Variants in SPRED3 observed in about 807,000 individuals in gnomAD.
SPRED3 encodes the protein sprouty-related, EVH1 domain-containing protein 3.
Under a neutral mutation model 37.6 loss-of-function variants are expected in SPRED3, and 23 were observed. That is an observed-to-expected ratio of 0.61 (90% CI 0.44 to 0.87). The LOEUF (loss-of-function observed/expected upper bound fraction) is 0.87, where lower values mean the gene tolerates loss of function less well. Among genes scored for constraint, SPRED3 ranks in the 40% least tolerant of loss-of-function variants. The pLI is 0.00. For synonymous variants in SPRED3, 302 were observed against 279.6 expected, an observed-to-expected ratio of 1.08 and a Z score of -0.80; for missense variants, 584 against 618.6, an observed-to-expected ratio of 0.94 and a Z score of 0.59.
rs1970897900 is a variant in SPRED3, at chr19:38,396,350, TA to T, written c.*207del. The T allele has an allele frequency of 2.8e-6, 1 of 361,764 alleles. No individual in the cohort carries two copies. The highest frequency in any genetic ancestry group is 2.1e-5 in the African/African-American group (1 of 46,892). The allele number at this position is 361,764 out of a possible 1,614,324, so 22.4% of individuals were successfully genotyped here. ...CCCCAGCTTCATTGGGGTGTCTGTC[TA>T]AGAAGTCCCAGGCGTCCTGAGTTCT... On this transcript the variant is annotated 3_prime_UTR_variant, in exon 6 of 6. Coordinates refer to ENST00000691638, the MANE Select transcript of SPRED3 (RefSeq NM_001394336.1).
intron 5 of SPRED3, 53 bp downstream of exon 5, chr19:38,394,839 C>T (rs1970876150): frequency 8.1e-6 from 12 of 1,477,980 alleles, no homozygotes; most frequent in Non-Finnish European, 9.8e-6. Flanking sequence ...GCACTCGGGG[C>T]CCGAAGGGAG....
At position 38,395,411 on chromosome 19, in the gene SPRED3, G is replaced by T. The variant is rs73044919; in HGVS notation, c.568-69G>T. On this transcript the variant is annotated intron_variant, in intron 5 of 5. Coordinates refer to ENST00000691638, the MANE Select transcript of SPRED3 (RefSeq NM_001394336.1). This position sits in a 1 kb window ranked among gnomAD's most constrained non-coding sequence, Gnocchi z 5.2. ...ATCTGAATCCCAGACCCAAGAGTGC[G>T]CTAGGGAACTGGATCCTTGAGGCTA... 3.4e-5 allele frequency: 46 copies of T among 1,334,460 alleles called. No homozygotes were observed. The highest frequency in any genetic ancestry group is 4.4e-5 in the Non-Finnish European group (45 of 1,024,750). The allele number at this position is 1,334,460 out of a possible 1,614,324, so 82.7% of individuals were successfully genotyped here. A position where few individuals can be genotyped will look rare whatever the true frequency, so the allele number is the denominator to read the frequency against.
rs1412536220 is a variant in SPRED3 at position 38,398,966 on chromosome 19, C to G, written c.*2821C>G. 2.0e-5 allele frequency: 3 copies of G among 152,312 alleles called. No homozygotes were observed. The highest frequency in any genetic ancestry group is 2.0e-4 in the Admixed American group (3 of 15,288). The allele number at this position is 152,312 out of a possible 1,614,324, so 9.4% of individuals were successfully genotyped here. On this transcript the variant is annotated 3_prime_UTR_variant, in exon 6 of 6. Coordinates refer to ENST00000691638, the MANE Select transcript of SPRED3 (RefSeq NM_001394336.1). ...TCTCCCCTCCCCACTCTGCCCAGCT[C>G]TCATCACTGTCAGACCCACCAGAGC...
In SPRED3 at chr19:38,396,043, G is replaced by A. The variant is rs1600519074; in HGVS notation, c.1131G>A (p.Val377=). ...CGCTGGCCGCGCTCTCCCTGGCAGT[G>A]CCCTGCCTCTGCTGCTACGCGCCCC... ...WAALAALSLA[V]PCLCCYAPLR... Residue 377 remains valine (V), a synonymous_variant, in exon 6 of 6, where the codon GTG becomes GTA. Transcript: ENST00000691638. The A allele has an allele frequency of 1.5e-6, 2 of 1,366,644 alleles. No homozygotes were observed. The highest frequency in any genetic ancestry group is 1.5e-5 in the African/African-American group (1 of 65,420). The allele number at this position is 1,366,644 out of a possible 1,614,324, so 84.7% of individuals were successfully genotyped here. A position where few individuals can be genotyped will look rare whatever the true frequency, so the allele number is the denominator to read the frequency against.
Position 38,394,625 on chromosome 19 carries a change from G to C in SPRED3, c.424-18G>C, listed in dbSNP as rs776438715. 3.2e-6 allele frequency: 5 copies of C among 1,582,416 alleles called. No individual in the cohort carries two copies. The South Asian group carries it at 5.7e-5, about 18-fold the overall frequency. ...TGCGGGGGCGTGTCCCCGCGCTGAGGCCGCCAATCTCCTCCAGTCCCACGT... is the reference window on the plus strand; with the variant it reads ...TGCGGGGGCGTGTCCCCGCGCTGAGCCCGCCAATCTCCTCCAGTCCCACGT... On this transcript the variant is annotated intron_variant, in intron 4 of 5. Coordinates refer to ENST00000691638, the MANE Select transcript of SPRED3 (RefSeq NM_001394336.1).
intron 2 of SPRED3, 80 bp from the exon 3 acceptor site, chr19:38,391,866 C>T: frequency 2.0e-6 from 3 of 1,524,246 alleles, no homozygotes; most frequent in Non-Finnish European, 1.8e-6. Flanking sequence ...CTAGGGTATG[C>T]ATGGGGGCTG....
chr19:38,390,483 A>G lies in SPRED3; in HGVS notation c.177+4A>G. 7.6e-7 allele frequency: 1 copy of G among 1,317,808 alleles called. No homozygotes were observed. 81.6% of individuals were successfully genotyped at this position (1,317,808 alleles called of 1,614,324 possible). On this transcript the variant is annotated splice_donor_region_variant and intron_variant, in intron 2 of 5. Transcript: ENST00000691638. ...GGAACGCCTCCGGGACCAGAAAGTG[A>G]GCCACCCTGGGGCATGCGGGGAGGG...
chr19:38,392,324 T>G (rs1469670924), intron 4 of SPRED3, 36 bp downstream of exon 4: 28 of 1,472,074 alleles, frequency 1.9e-5, no homozygotes, highest in Non-Finnish European at 2.4e-5. Flanking sequence ...TGGGGGAGGG[T>G]AGGGGTTTTG....
Position 38,398,906 on chromosome 19 carries a change from G to C in SPRED3, c.*2761G>C, listed in dbSNP as rs1201911429. On this transcript the variant is annotated 3_prime_UTR_variant, in exon 6 of 6. Coordinates refer to ENST00000691638, the MANE Select transcript of SPRED3 (RefSeq NM_001394336.1). ...CTGTGAGATTCAGCACTCCCAACCA[G>C]ACCCTGGGATGGGTGAGAGAAAAGC... 1.3e-5 allele frequency: 2 copies of C among 152,258 alleles called. No homozygotes were observed. Among genetic ancestry groups the C allele is most frequent in the South Asian group, 4.1e-4 (2 of 4,832 alleles). 9.4% of individuals were successfully genotyped at this position (152,258 alleles called of 1,614,324 possible).
intron 2 of SPRED3, 49 bp from the exon 3 acceptor site, chr19:38,391,897 G>GGCATGTCT: frequency 1.2e-6 from 2 of 1,603,024 alleles, no homozygotes; most frequent in Non-Finnish European, 1.7e-6. Flanking sequence ...AGACGTCACA[G>GGCATGTCT]GCATGTCTGG....
Position 38,398,245 on chromosome 19 carries a change from T to G in SPRED3, c.*2100T>G, listed in dbSNP as rs1970921724. The stretch of plus-strand genomic sequence containing the variant: ...CTTCCTATTTATTTATTTATTTATT[T>G]ATTTATTTTGAGACAGAGTCTCGCT... On this transcript the variant is annotated 3_prime_UTR_variant, in exon 6 of 6. Transcript: ENST00000691638. The G allele has an allele frequency of 6.6e-6, 1 of 152,210 alleles. No individual in the cohort carries two copies. The highest frequency in any genetic ancestry group is 2.4e-5 in the African/African-American group (1 of 41,388). 9.4% of individuals were successfully genotyped at this position (152,210 alleles called of 1,614,324 possible).
rs551611824 is a variant in SPRED3 at position 38,396,889 on chromosome 19, T to G, written c.*744T>G. 1 of 152,264 alleles carries G rather than the reference T, an allele frequency of 6.6e-6. No homozygotes were observed. The highest frequency in any genetic ancestry group is 1.9e-4 in the East Asian group (1 of 5,190). 9.4% of individuals were successfully genotyped at this position (152,264 alleles called of 1,614,324 possible). ...CCAGACACCCTGGGACCCCAGACTC[T>G]TAAGATGCACTGAGTGCTCGGATAT... On this transcript the variant is annotated 3_prime_UTR_variant, in exon 6 of 6. Coordinates refer to ENST00000691638, the MANE Select transcript of SPRED3 (RefSeq NM_001394336.1).
rs1256671203 is a variant in SPRED3, at chr19:38,396,778, T to A, written c.*633T>A. 1 of 152,134 alleles carries A rather than the reference T, an allele frequency of 6.6e-6. No individual in the cohort carries two copies. 9.4% of individuals were successfully genotyped at this position (152,134 alleles called of 1,614,324 possible). On this transcript the variant is annotated 3_prime_UTR_variant, in exon 6 of 6. Transcript: ENST00000691638. ...GTTATGCTCTGGAATCTCCAGATGCTGCCCCTCAAATCTACCCACGACTTA... is the reference window on the plus strand; with the variant it reads ...GTTATGCTCTGGAATCTCCAGATGCAGCCCCTCAAATCTACCCACGACTTA...
Position 38,394,738 on chromosome 19 carries a change from A to G in SPRED3, c.519A>G (p.Ser173=). ...AAPIITMESA[S]GFGPTTPPQR... is the part of the protein sequence containing the mutation. Reference sequence around the variant, plus strand: ...CCATCATCACGATGGAGTCAGCTTCAGGCTTCGGGCCGACCACGCCCCCCC... The same window carrying G: ...CCATCATCACGATGGAGTCAGCTTCGGGCTTCGGGCCGACCACGCCCCCCC... The change falls in exon 5 of 6, where the codon TCA becomes TCG. Residue 173 remains serine (S), a synonymous_variant. Coordinates refer to ENST00000691638, the MANE Select transcript of SPRED3 (RefSeq NM_001394336.1). 6.3e-7 allele frequency: 1 copy of G among 1,587,354 alleles called. No homozygotes were observed. Among genetic ancestry groups the G allele is most frequent in the Non-Finnish European group, 8.5e-7 (1 of 1,169,702 alleles).
rs774014740 is a variant in SPRED3 at position 38,397,903 on chromosome 19, T to TAAAAAAAAAAAAAAAAAAAAAAAAAAAA, written c.*1773_*1774insAAAAAAAAAAAAAAAAAAAAAAAAAAAA. The TAAAAAAAAAAAAAAAAAAAAAAAAAAAA allele has an allele frequency of 4.5e-5, 6 of 131,982 alleles. No individual in the cohort carries two copies. The highest frequency in any genetic ancestry group is 2.2e-4 in the Admixed American group (3 of 13,340). The allele number at this position is 131,982 out of a possible 1,614,324, so 8.2% of individuals were successfully genotyped here. On this transcript the variant is annotated 3_prime_UTR_variant, in exon 6 of 6. Transcript: ENST00000691638. The stretch of plus-strand genomic sequence containing the variant: ...CTGGGCAATGTAGTGAGACCGTCTC[T>TAAAAAAAAAAAAAAAAAAAAAAAAAAAA]AAAAAAAAAAAAAAAGGACCAAGTA...
In SPRED3 at chr19:38,392,053, C is replaced by T. The variant is rs777649344; in HGVS notation, c.285C>T (p.Ser95=). 1 of 1,614,204 alleles carries T rather than the reference C, an allele frequency of 6.2e-7. No individual in the cohort carries two copies. The highest frequency in any genetic ancestry group is 1.3e-5 in the African/African-American group (1 of 75,054). ...GCAAGTTTGGACTGACGTTTCAGAG[C>T]CCTGCAGAGGCTGATGAGTTCCAGA... ...GDCKFGLTFQ[S]PAEADEFQKS... The change falls in exon 3 of 6, where the codon AGC becomes AGT. Residue 95 remains serine, a synonymous_variant. Coordinates refer to ENST00000691638, the MANE Select transcript of SPRED3 (RefSeq NM_001394336.1).
rs2145160219 is a variant in SPRED3, at chr19:38,395,562, G to T, written c.650G>T (p.Gly217Val). Residue 217 changes from glycine (G) to valine (V), a missense_variant, in exon 6 of 6, where the codon GGC becomes GTC. Physicochemically the swap from Gly to Val is moderately radical, Grantham distance 109 (BLOSUM62 -3). Transcript: ENST00000691638. This position sits in a 1 kb window ranked among gnomAD's most constrained non-coding sequence, Gnocchi z 5.2. ...GGGGCAGGGGGCCTGGGGTGGGGCG[G>T]CCGCGGCTACGAGGATTACCGGCGC... The part of the protein sequence containing the change: ...LAGAGGLGWG[G>V]RGYEDYRRSG... 1 of 1,552,732 alleles carries T rather than the reference G, an allele frequency of 6.4e-7. No homozygotes were observed. The highest frequency in any genetic ancestry group is 2.5e-5 in the East Asian group (1 of 39,846).
chr19:38,390,543 A>T, intron 2 of SPRED3, 64 bp downstream of exon 2: 2 of 1,252,796 alleles, frequency 1.6e-6, no homozygotes, highest in South Asian at 2.6e-5. Context: ...AGGGGCTGGC[A>T]TGTGGAGCAG....
Position 38,395,895 on chromosome 19 carries a change from G to A in SPRED3, c.983G>A (p.Arg328His). ...APDPGRLLVR[R>H]LSCLWCAESL... is the part of the protein sequence containing the mutation. ...GACCCGGGTCGCCTCCTGGTGCGCC[G>A]TCTAAGCTGCCTGTGGTGCGCCGAG... Residue 328 changes from arginine to histidine, a missense_variant, in exon 6 of 6, where the codon CGT becomes CAT. By Grantham distance (29) the Arg-to-His change is conservative. Transcript: ENST00000691638. The surrounding 1 kb of genome is among the most constrained non-coding windows in gnomAD (Gnocchi z 5.2). 1.2e-5 allele frequency: 18 copies of A among 1,505,816 alleles called. No homozygotes were observed. Among genetic ancestry groups the A allele is most frequent in the East Asian group, 2.8e-5 (1 of 36,244 alleles). The allele number at this position is 1,505,816 out of a possible 1,614,324, so 93.3% of individuals were successfully genotyped here. A position where few individuals can be genotyped will look rare whatever the true frequency, so the allele number is the denominator to read the frequency against.
Sources: allele counts gnomAD v4.1 joint callset, GRCh38; gene constraint gnomAD v4.1.1; non-coding constraint Gnocchi (gnomAD v3.1); transcripts MANE v1.5; gene names NCBI Gene and HGNC (gene_info 2026-07-23, HGNC 2026-07-21).